The following RALY variants were observed in gnomAD, a reference collection of about 807,000 sequenced individuals.
The protein encoded by RALY is RNA-binding protein Raly.
A neutral mutation model predicts 30.7 loss-of-function variants in RALY; 15 were observed. The ratio of observed to expected loss-of-function variants is 0.49; its 90% CI spans 0.33 to 0.75. RALY has a LOEUF of 0.75. Among genes scored for constraint, RALY ranks in the 30% least tolerant of loss-of-function variants. The probability of loss-of-function intolerance (pLI) is 0.02; values close to 1 mark genes in which losing one functional copy is unlikely to be tolerated. For synonymous variants in RALY, 177 were observed against 170.8 expected, an observed-to-expected ratio of 1.04 and a Z score of -0.28; for missense variants, 339 against 414.3, an observed-to-expected ratio of 0.82 and a Z score of 1.58.
chr20:34,038,110 T>C (rs2032568875), intron 2 of RALY, among the ~76,000 whole-genome samples: 1 of 152,184 alleles, frequency 6.6e-6, no homozygotes, highest in South Asian at 2.1e-4. Context: ...TGCAAAGGGC[T>C]CTGGGCTCTA....
intron 2 of RALY, among the ~76,000 whole-genome samples, chr20:34,056,232 G>A (rs73904762): frequency 2.3e-3 from 346 of 152,296 alleles, no homozygotes; most frequent in African/African-American, 8.1e-3. Flanking sequence ...TCAAACTTCT[G>A]TAACTTTCCT....
intron 8 of RALY, among the ~76,000 whole-genome samples, chr20:34,078,031 C>T (rs1408075444): frequency 6.6e-6 from 1 of 152,234 alleles, no homozygotes; most frequent in Non-Finnish European, 1.5e-5. Flanking sequence ...TTCAGCACTG[C>T]TGGGTTCTAT....
At chr20:34,033,013 AG>A (rs2032343022) in intron 2 of RALY, among the ~76,000 whole-genome samples, 1 of 152,164 alleles carries the variant, frequency 6.6e-6, no homozygotes, top group African/African-American at 2.4e-5. Flanking sequence ...GCAGAGGCCC[AG>A]GCTAAAAGTG....
At chr20:34,069,935 A>C (rs1035217168) in intron 2 of RALY, among the ~76,000 whole-genome samples, 1 of 152,036 alleles carries the variant, frequency 6.6e-6, no homozygotes, top group Non-Finnish European at 1.5e-5. Context: ...TAGTATATCC[A>C]TTGGGTTCAC....
chr20:34,004,205 G>T (rs2031057374), intron 1 of RALY, among the ~76,000 whole-genome samples: 1 of 152,170 alleles, frequency 6.6e-6, no homozygotes, highest in South Asian at 2.1e-4. Flanking sequence ...AGTTCCCAAG[G>T]AACATTTGTG....
chr20:34,023,547 C>T (rs1261012489), intron 1 of RALY, among the ~76,000 whole-genome samples: 1 of 152,072 alleles, frequency 6.6e-6, no homozygotes, highest in Non-Finnish European at 1.5e-5. Flanking sequence ...GGAGGCCTGT[C>T]CTTGGATTTT....
chr20:34,032,586 G>A (rs372342386), intron 2 of RALY, among the ~76,000 whole-genome samples: 13 of 151,658 alleles, frequency 8.6e-5, no homozygotes, highest in African/African-American at 2.9e-4. Flanking sequence ...TCCTGGGCTC[G>A]TGTGATTCAA....
At chr20:34,016,077 G>A (rs1487024238) in intron 1 of RALY, among the ~76,000 whole-genome samples, 1 of 151,970 alleles carries the variant, frequency 6.6e-6, no homozygotes, top group East Asian at 1.9e-4. Context: ...TTACATCTGC[G>A]CACAAGTCCT....
At chr20:33,998,389 G>A (rs1023241035) in intron 1 of RALY, among the ~76,000 whole-genome samples, 3 of 152,206 alleles carry the variant, frequency 2.0e-5, no homozygotes, top group African/African-American at 4.8e-5. Flanking sequence ...GCAGAGATAA[G>A]ACTGTTCTAG....
intron 2 of RALY, among the ~76,000 whole-genome samples, chr20:34,063,215 C>T (rs535566949): frequency 1.3e-5 from 2 of 152,310 alleles, no homozygotes; most frequent in African/African-American, 4.8e-5. Context: ...TGTAAGTACT[C>T]CACAAGTATT....
chr20:34,028,863 C>T (rs1401536002), intron 1 of RALY, among the ~76,000 whole-genome samples: 2 of 151,814 alleles, frequency 1.3e-5, no homozygotes, highest in East Asian at 3.9e-4. Context: ...CAGTGTGGAC[C>T]AAAAATATGA....
chr20:34,043,067 G>T (rs1002050391), intron 2 of RALY, among the ~76,000 whole-genome samples: 1 of 152,248 alleles, frequency 6.6e-6, no homozygotes, highest in Non-Finnish European at 1.5e-5. Context: ...TCAGGGAACA[G>T]ATGTGACCTC....
At chr20:34,049,938 C>T (rs1317173824) in intron 2 of RALY, among the ~76,000 whole-genome samples, 1 of 152,200 alleles carries the variant, frequency 6.6e-6, no homozygotes, top group African/African-American at 2.4e-5. Flanking sequence ...CAGAGAATGT[C>T]TGCTGTGTTT....
chr20:34,057,192 T>C (rs2033270869), intron 2 of RALY, among the ~76,000 whole-genome samples: 2 of 152,152 alleles, frequency 1.3e-5, no homozygotes, highest in Admixed American at 1.3e-4. Context: ...AGTTGAGTTA[T>C]CTAACCATGT....
At position 34,084,623 on chromosome 20, in the gene RALY, C is replaced by T. The variant is rs1441545275; in HGVS notation, c.*4718C>T. 6.6e-6 allele frequency: 1 copy of T among 152,264 alleles called. No homozygotes were observed. The highest frequency in any genetic ancestry group is 2.4e-5 in the African/African-American group (1 of 41,452). The allele number at this position is 152,264 out of a possible 1,614,324, so 9.4% of individuals were successfully genotyped here. ...CCAGTCTCCCAGTCCCAGACTGAAGCACTAGCAGCTTCCACTTATTATCTC... is the reference window on the plus strand; with the variant it reads ...CCAGTCTCCCAGTCCCAGACTGAAGTACTAGCAGCTTCCACTTATTATCTC... On this transcript the variant is annotated 3_prime_UTR_variant, in exon 10 of 10. Transcript: ENST00000246194.
chr20:34,044,213 G>A (rs1423775440), intron 2 of RALY, among the ~76,000 whole-genome samples: 2 of 152,096 alleles, frequency 1.3e-5, no homozygotes, highest in African/African-American at 4.8e-5. Context: ...AATATTGGAG[G>A]CTATTGTGTA....
chr20:34,061,126 A>G (rs2033403540), intron 2 of RALY, among the ~76,000 whole-genome samples: 2 of 152,148 alleles, frequency 1.3e-5, no homozygotes, highest in African/African-American at 4.8e-5. Context: ...AAGTATGGAG[A>G]GAGGGTCTGG....
rs777040744 is a variant in RALY, at chr20:34,072,342, T to C, written c.256+12T>C. The C allele has an allele frequency of 1.2e-6, 2 of 1,607,246 alleles. No homozygotes were observed. Among genetic ancestry groups the C allele is most frequent in the South Asian group, 2.2e-5 (2 of 90,946 alleles). On this transcript the variant is annotated intron_variant, in intron 3 of 9. Transcript: ENST00000246194. ...CGGGCAGACCCTGGGTAAGCCTCTC[T>C]TCACTATATTCTCCTAGTATTCTCT... is the stretch of plus-strand genomic sequence containing the variant.
intron 5 of RALY, among the ~76,000 whole-genome samples, chr20:34,074,697 G>A (rs572041068): frequency 7.2e-5 from 11 of 152,334 alleles, no homozygotes; most frequent in Admixed American, 5.9e-4. Context: ...TTCCCAGTTT[G>A]TGAAATGGGC....
Sources: gnomAD v4.1 joint callset for allele counts (sites outside exome capture counted in the v4.1 genomes callset) on GRCh38, gnomAD v4.1.1 for gene constraint, MANE v1.5 for transcripts, NCBI Gene and HGNC (gene_info 2026-07-23, HGNC 2026-07-21) for gene names.